ACE: variants seen among roughly 807,000 people sequenced by gnomAD.
The protein encoded by ACE is angiotensin I converting enzyme.
In ACE, 122 loss-of-function variants were observed where a neutral mutation model predicts 162.3. That is an observed-to-expected ratio of 0.75 (90% confidence interval 0.65 to 0.87). The LOEUF (loss-of-function observed/expected upper bound fraction) is 0.87. ACE is among the 40% of genes least tolerant of loss of function. The pLI is 0.00. For synonymous variants in ACE, 796 were observed against 720.6 expected (o/e 1.10, Z -1.68); for missense variants, 1,799 against 1,735.1 (o/e 1.04, Z -0.65).
intron 14 of ACE, 101 bp downstream of exon 14, chr17:63,486,816 T>C: frequency 6.5e-7 from 1 of 1,544,248 alleles, no homozygotes. Flanking sequence ...CCTCGTTGTA[T>C]CAAGTCATGG....
chr17:63,490,437 T>G (rs2030294488), intron 17 of ACE: 2 of 208,564 alleles, frequency 9.6e-6, no homozygotes. Flanking sequence ...GAGAGCAGCC[T>G]GCCAGCCTTT....
Position 63,483,567 on chromosome 17 carries a change from G to GCGGGGCCCCCCCCCCCCCCCCCC in ACE, c.1586+10_1586+11insGGGGCCCCCCCCCCCCCCCCCCC. On this transcript the variant is annotated intron_variant, in intron 10 of 24. Coordinates refer to ENST00000290866, the MANE Select transcript of ACE (RefSeq NM_000789.4). ...GTGACACCATACATCAGGTATTAGCGCCCCCACCCCACCCACCCCCAGTAC... is the reference window on the plus strand; with the variant it reads ...GTGACACCATACATCAGGTATTAGCGCGGGGCCCCCCCCCCCCCCCCCCCCCCCACCCCACCCACCCCCAGTAC... The GCGGGGCCCCCCCCCCCCCCCCCC allele has an allele frequency of 6.3e-7, 1 of 1,589,552 alleles. No homozygotes were observed. The highest frequency in any genetic ancestry group is 8.6e-7 in the Non-Finnish European group (1 of 1,165,660).
At chr17:63,486,335 T>A (rs577081073) in intron 13 of ACE, 1 of 604,508 alleles carries the variant, frequency 1.7e-6, no homozygotes, top group African/African-American at 1.8e-5. Context: ...TGCCCCTGCC[T>A]GGATATGTGT....
chr17:63,481,593 G>A lies in ACE; in HGVS notation c.973G>A (p.Val325Met), dbSNP rs771762179. ...QGWNATHMFR[V>M]AEEFFTSLEL... ...CTGGAACGCCACGCACATGTTCCGGGTGGCAGAGGAGTTCTTCACCTCCCT... is the reference window on the plus strand; with the variant it reads ...CTGGAACGCCACGCACATGTTCCGGATGGCAGAGGAGTTCTTCACCTCCCT... Residue 325 changes from valine to methionine, a missense_variant, in exon 7 of 25, where the codon GTG (valine) becomes ATG (methionine). By Grantham distance (21) the Val-to-Met change is conservative. Transcript: ENST00000290866. 6.2e-7 allele frequency: 1 copy of A among 1,614,018 alleles called. No homozygotes were observed. Among genetic ancestry groups the A allele is most frequent in the Non-Finnish European group, 8.5e-7 (1 of 1,180,024 alleles).
rs1012704978 is a variant in ACE, at chr17:63,479,300, G to A, written c.511+200G>A. On this transcript the variant is annotated intron_variant, in intron 3 of 24. Coordinates refer to ENST00000290866, the MANE Select transcript of ACE (RefSeq NM_000789.4). Reference sequence around the variant, plus strand: ...AAGTGGACTTCCGGAATCTCCAGCTGCAGCCCCCACTTCTGTGTGTACCTC... The same window carrying A: ...AAGTGGACTTCCGGAATCTCCAGCTACAGCCCCCACTTCTGTGTGTACCTC... 3.9e-5 allele frequency among the ~76,000 whole-genome samples: 6 copies of A among 152,244 alleles called. No homozygotes were observed. In the East Asian group the frequency reaches 1.2e-3, roughly 29 times the overall value.
Position 63,477,070 on chromosome 17 carries a change from A to T in ACE, c.-25A>T. On this transcript the variant is annotated 5_prime_UTR_variant, in exon 1 of 25. Transcript: ENST00000290866. ...GCGGCCGCGGCGCAGGAGAAGGGGC[A>T]GAGCCGAGCACCGCGCACCGCGTCA... 7.9e-7 allele frequency: 1 copy of T among 1,268,814 alleles called. No individual in the cohort carries two copies. The highest frequency in any genetic ancestry group is 4.4e-5 in the Admixed American group (1 of 22,952). 78.6% of individuals were successfully genotyped at this position (1,268,814 alleles called of 1,614,324 possible).
At chr17:63,485,584 T>C (rs1002129699) in intron 13 of ACE, 15 of 618,662 alleles carry the variant, frequency 2.4e-5, no homozygotes, top group African/African-American at 1.8e-4. Flanking sequence ...AAGACCATCC[T>C]GGCTAACACG....
At chr17:63,477,766 G>A in intron 1 of ACE, 165 bp from the exon 2 acceptor site, 2 of 784,176 alleles carry the variant, frequency 2.6e-6, no homozygotes, top group East Asian at 2.7e-5. Flanking sequence ...TCCAGAAGGA[G>A]GAAGCGCGGC....
intron 15 of ACE, among the ~76,000 whole-genome samples, chr17:63,487,446 G>A (rs1212843424): frequency 6.6e-6 from 1 of 152,088 alleles, no homozygotes; most frequent in Non-Finnish European, 1.5e-5. Flanking sequence ...TCGTGACCCT[G>A]CCCTTGACTT....
At chr17:63,488,895 G>GC (rs753957624) in intron 16 of ACE, 46 bp from the exon 17 acceptor site, 1 of 1,613,726 alleles carries the variant, frequency 6.2e-7, no homozygotes, top group Non-Finnish European at 8.5e-7. Context: ...CCTGGAGGAG[G>GC]CAGGTAATGT....
rs1003532083 is a variant in ACE at position 63,479,714 on chromosome 17, G to A, written c.512-55G>A. 4.0e-5 allele frequency: 65 copies of A among 1,607,992 alleles called. 1 individual carries two copies. The highest frequency in any genetic ancestry group is 3.3e-4 in the South Asian group (30 of 91,026). ...ACTGGTGCAGGCTCTGGTGAAGGCC[G>A]TTGAAGACTTCAACGTGGAGGCCTC... On this transcript the variant is annotated intron_variant, in intron 3 of 24. Transcript: ENST00000290866.
Position 63,491,736 on chromosome 17 carries a change from C to T in ACE, c.2912+355C>T, listed in dbSNP as rs1223970172. On this transcript the variant is annotated intron_variant, in intron 19 of 24. Transcript: ENST00000290866. The surrounding 1 kb of genome is among the most constrained non-coding windows in gnomAD (Gnocchi z 4.4). ...ACATGCTGTGACACAGGGAGGCACA[C>T]GAGGATGTTGGGTGCTCTGTACAGA... Among the ~76,000 whole-genome samples, 6 of 152,186 alleles carry T rather than the reference C, an allele frequency of 3.9e-5. No homozygotes were observed. The highest frequency in any genetic ancestry group is 1.2e-4 in the African/African-American group (5 of 41,440).
rs1056500594 is a variant in ACE, at chr17:63,491,201, G to A, written c.2740-8G>A. On this transcript the variant is annotated splice_polypyrimidine_tract_variant and splice_region_variant and intron_variant, in intron 18 of 24. Transcript: ENST00000290866. This position sits in a 1 kb window ranked among gnomAD's most constrained non-coding sequence, Gnocchi z 4.4. The stretch of plus-strand genomic sequence containing the variant: ...CCCCAGTTTGGGCAGAACTCCCTCT[G>A]CTTGCAGGGCTGGACGCCCAGGAGG... 3 of 1,613,808 alleles carry A rather than the reference G, an allele frequency of 1.9e-6. No individual in the cohort carries two copies. Among genetic ancestry groups the A allele is most frequent in the Admixed American group, 1.7e-5 (1 of 60,010 alleles).
At chr17:63,478,517 T>C (rs1405466792) in intron 2 of ACE, 1 of 303,284 alleles carries the variant, frequency 3.3e-6, no homozygotes, top group Admixed American at 4.7e-5. Context: ...AAAAAATAGC[T>C]GGGCTTGGTG....
At position 63,479,728 on chromosome 17, in the gene ACE, C is replaced by CGT. The variant is rs780431591; in HGVS notation, c.512-39_512-38dup. ...TGGTGAAGGCCGTTGAAGACTTCAA[C>CGT]GTGGAGGCCTCCTCACCGACCCTGC... is the stretch of plus-strand genomic sequence containing the variant. On this transcript the variant is annotated intron_variant, in intron 3 of 24. Coordinates refer to ENST00000290866, the MANE Select transcript of ACE (RefSeq NM_000789.4). 31 of 1,611,436 alleles carry CGT rather than the reference C, an allele frequency of 1.9e-5. No individual in the cohort carries two copies. The South Asian group carries it at 2.9e-4, about 15-fold the overall frequency.
Position 63,482,639 on chromosome 17 carries a change from C to T in ACE, c.1292C>T (p.Pro431Leu), listed in dbSNP as rs2049729701. Reference sequence around the variant, plus strand: ...GTGCTGGCGCTCTCGGTCTCCACTCCTGAACATCTGCACAAAATCGGCCTG... The same window carrying T: ...GTGCTGGCGCTCTCGGTCTCCACTCTTGAACATCTGCACAAAATCGGCCTG... ...GDVLALSVST[P>L]EHLHKIGLLD... The change falls in exon 8 of 25, where the codon CCT (proline) becomes CTT (leucine). Residue 431 changes from proline (P) to leucine (L), a missense_variant. Physicochemically the swap from Pro to Leu is moderately conservative, Grantham distance 98. Coordinates refer to ENST00000290866, the MANE Select transcript of ACE (RefSeq NM_000789.4). 6.2e-7 allele frequency: 1 copy of T among 1,614,036 alleles called. No individual in the cohort carries two copies. The highest frequency in any genetic ancestry group is 8.5e-7 in the Non-Finnish European group (1 of 1,179,970).
rs935394426 is a variant in ACE at position 63,484,272 on chromosome 17, C to G, written c.1710-58C>G. On this transcript the variant is annotated intron_variant, in intron 11 of 24. Transcript: ENST00000290866. This position sits in a 1 kb window ranked among gnomAD's most constrained non-coding sequence, Gnocchi z 4.0. ...TGGCCAGGGGCATGTGGGCCGGGGT[C>G]CAGGAGCAGACTCCAGCCTGAGTCC... is the stretch of plus-strand genomic sequence containing the variant. 42 of 1,552,542 alleles carry G rather than the reference C, an allele frequency of 2.7e-5. No homozygotes were observed. The highest frequency in any genetic ancestry group is 3.5e-5 in the Non-Finnish European group (40 of 1,148,328).
At chr17:63,478,140 G>C (rs760357465) in intron 2 of ACE, 42 bp downstream of exon 2, 20 of 1,550,486 alleles carry the variant, frequency 1.3e-5, no homozygotes, top group African/African-American at 2.7e-5. Flanking sequence ...CGGCCTCCTA[G>C]TGCCCCATCG....
Position 63,482,451 on chromosome 17 carries a change from C to T in ACE, c.1119-15C>T, listed in dbSNP as rs775674858. On this transcript the variant is annotated splice_polypyrimidine_tract_variant and intron_variant, in intron 7 of 24. Coordinates refer to ENST00000290866, the MANE Select transcript of ACE (RefSeq NM_000789.4). ...TCCATCCGTCACTCTCACCCTCGCC[C>T]TCTCTACGCCCCAGGATCAAGCAGT... The T allele has an allele frequency of 4.3e-6, 7 of 1,612,932 alleles. No homozygotes were observed. In the Admixed American group the frequency reaches 5.0e-5, roughly 12 times the overall value.
Sources: allele counts gnomAD v4.1 joint callset (sites outside exome capture counted in the v4.1 genomes callset), GRCh38; gene constraint gnomAD v4.1.1; non-coding constraint Gnocchi (gnomAD v3.1); transcripts MANE v1.5; gene names NCBI Gene and HGNC (gene_info 2026-07-23, HGNC 2026-07-21).